AARSD1: variants seen among roughly 807,000 people sequenced by gnomAD.
AARSD1 encodes alanyl-tRNA editing protein Aarsd1.
In AARSD1, 44 loss-of-function variants were observed where a neutral mutation model predicts 48.7. The observed-to-expected ratio is 0.90, with a 90% confidence interval of 0.71 to 1.16. AARSD1 has a LOEUF of 1.16. AARSD1 is among the 50% of genes most tolerant of loss of function. The pLI is 0.00. For missense variants in AARSD1, 511 were observed against 523.1 expected (o/e 0.98, Z 0.23); for synonymous variants, 189 against 194.9 (o/e 0.97, Z 0.25).
intron 2 of AARSD1, among the ~76,000 whole-genome samples, chr17:42,963,859 C>A (rs796417484): frequency 1.3e-5 from 2 of 152,136 alleles, no homozygotes; most frequent in South Asian, 4.1e-4. Context: ...CAGTTGTCTT[C>A]AATAAACATT....
intron 3 of AARSD1, among the ~76,000 whole-genome samples, chr17:42,959,862 T>A (rs1382779102): frequency 2.7e-5 from 4 of 150,540 alleles, no homozygotes; most frequent in Non-Finnish European, 5.9e-5. Flanking sequence ...CAGGGTTTCA[T>A]CATGTTGGCC....
chr17:42,961,170 T>C lies in AARSD1; in HGVS notation c.331+22A>G, dbSNP rs554473527. 39 of 1,598,060 alleles carry C rather than the reference T, an allele frequency of 2.4e-5. No individual in the cohort carries two copies. The South Asian group carries it at 3.4e-4, about 14-fold the overall frequency. On this transcript the variant is annotated intron_variant, in intron 3 of 11. Coordinates refer to ENST00000427569, the MANE Select transcript of AARSD1 (RefSeq NM_001261434.2). ...ATACATGGCAACTGCTCCGGTGTTA[T>C]GTCCCCCATCCCAGCCTTTACCTGA... is the stretch of plus-strand genomic sequence containing the variant.
At chr17:42,961,492 C>T (rs1281455098) in intron 2 of AARSD1, 141 bp from the exon 3 acceptor site, 2 of 1,175,800 alleles carry the variant, frequency 1.7e-6, no homozygotes, top group Middle Eastern at 2.7e-4. Flanking sequence ...GAAATGAGTC[C>T]ACTTTGTTCC....
rs371979961 is a variant in AARSD1 at position 42,951,824 on chromosome 17, G to A, written c.1079C>T (p.Ala360Val). 1.2e-5 allele frequency: 20 copies of A among 1,614,030 alleles called. No homozygotes were observed. The highest frequency in any genetic ancestry group is 1.6e-5 in the Non-Finnish European group (19 of 1,180,032). Residue 360 changes from alanine to valine, a missense_variant, in exon 11 of 12, where the codon GCG becomes GTG. Ala to Val is a moderately conservative substitution (Grantham distance 64). Coordinates refer to ENST00000427569, the MANE Select transcript of AARSD1 (RefSeq NM_001261434.2). ...GGLFLLAGPP[A>V]SVETLGPRVA... ...CCTGGGCCCCAGGGTCTCCACAGAC[G>A]CAGGTGGCCCTGCCAGTAAGAAGAG...
At chr17:42,951,322 C>T (rs1234536494) in intron 11 of AARSD1, among the ~76,000 whole-genome samples, 1 of 152,086 alleles carries the variant, frequency 6.6e-6, no homozygotes, top group Non-Finnish European at 1.5e-5. Flanking sequence ...GAGGGCAAGG[C>T]AGGTGGATCA....
Position 42,964,347 on chromosome 17 carries a change from C to T in AARSD1, c.39+55G>A, listed in dbSNP as rs2049683544. On this transcript the variant is annotated intron_variant, in intron 1 of 11. Transcript: ENST00000427569. ...CACTCCCTACACGTGGCGCCCTCTT[C>T]CCCAAACCGCCTTGCCGGCCCGGCA... 1.9e-6 allele frequency: 3 copies of T among 1,577,456 alleles called. No individual in the cohort carries two copies. The South Asian group carries it at 3.4e-5, about 18-fold the overall frequency.
Position 42,956,215 on chromosome 17 carries a change from T to C in AARSD1, c.652A>G (p.Ser218Gly), listed in dbSNP as rs1432130499. 1.2e-6 allele frequency: 2 copies of C among 1,614,106 alleles called. No homozygotes were observed. Among genetic ancestry groups the C allele is most frequent in the South Asian group, 2.2e-5 (2 of 91,076 alleles). Residue 218 changes from serine (S) to glycine (G), a missense_variant, in exon 6 of 12, where the codon AGT becomes GGT. Ser to Gly is a moderately conservative substitution (Grantham distance 56, BLOSUM62 0). Coordinates refer to ENST00000427569, the MANE Select transcript of AARSD1 (RefSeq NM_001261434.2). ...CGTTCCTCACTTACCTGAAGGTCAC[T>C]GAGATTGCTCACATGGGTCCCACAG... is the stretch of plus-strand genomic sequence containing the variant. ...MCCGTHVSNL[S>G]DLQVIKILGT...
At position 42,956,536 on chromosome 17, in the gene AARSD1, C is replaced by A. The variant is rs766677586; in HGVS notation, c.414G>T (p.Ala138=). Residue 138 remains alanine (A), a synonymous_variant, in exon 5 of 12, where the codon GCG becomes GCT. Coordinates refer to ENST00000427569, the MANE Select transcript of AARSD1 (RefSeq NM_001261434.2). ...TSWELGRFRS[A]IELDTPSMTA... Reference sequence around the variant, plus strand: ...TCATAGAGGGGGTGTCCAGCTCAATCGCACTCCGAAATCTCCCTAACTCCC... The same window carrying A: ...TCATAGAGGGGGTGTCCAGCTCAATAGCACTCCGAAATCTCCCTAACTCCC... The A allele has an allele frequency of 3.6e-5, 58 of 1,613,260 alleles. No individual in the cohort carries two copies. The highest frequency in any genetic ancestry group is 2.8e-4 in the Admixed American group (17 of 59,900).
intron 3 of AARSD1, among the ~76,000 whole-genome samples, chr17:42,959,574 T>A (rs1300563086): frequency 2.0e-5 from 3 of 151,804 alleles, no homozygotes; most frequent in Admixed American, 2.0e-4. Context: ...CTCAGGCTGG[T>A]ATGGAATTCC....
At chr17:42,963,973 T>C (rs1288453471) in intron 2 of AARSD1, 133 bp downstream of exon 2, 26 of 1,468,088 alleles carry the variant, frequency 1.8e-5, no homozygotes, top group Non-Finnish European at 2.4e-5. Context: ...TAAATACTCA[T>C]TAAATGAATA....
rs1345846636 is a variant in AARSD1 at position 42,957,220 on chromosome 17, G to A, written c.332-25C>T. 6.8e-6 allele frequency: 11 copies of A among 1,612,478 alleles called. No homozygotes were observed. The Admixed American group carries it at 1.7e-4, about 24-fold the overall frequency. On this transcript the variant is annotated intron_variant, in intron 3 of 11. Coordinates refer to ENST00000427569, the MANE Select transcript of AARSD1 (RefSeq NM_001261434.2). ...CCTAAGCAAAGAGAGCCAGAGACAG[G>A]AGAAAAGTGAGAAGCCTACATACTC...
chr17:42,960,677 G>A (rs1042967078), intron 3 of AARSD1, among the ~76,000 whole-genome samples: 4 of 144,956 alleles, frequency 2.8e-5, no homozygotes, highest in East Asian at 2.1e-4. Context: ...AGCCGAGATC[G>A]CACCATTGCA....
At chr17:42,953,958 G>C in intron 9 of AARSD1, 180 bp from the exon 10 acceptor site, 1 of 684,786 alleles carries the variant, frequency 1.5e-6, no homozygotes, top group East Asian at 2.7e-5. Flanking sequence ...AGCCTCTGCA[G>C]TTTGTAATCA....
intron 3 of AARSD1, among the ~76,000 whole-genome samples, chr17:42,959,189 T>C (rs1391861268): frequency 1.5e-5 from 2 of 137,074 alleles, no homozygotes; most frequent in Non-Finnish European, 3.2e-5. Flanking sequence ...AGAGCGAGAC[T>C]TTGTCTCAAA....
At chr17:42,956,375 A>G (rs1469659526) in intron 5 of AARSD1, 29 bp downstream of exon 5, 1 of 1,614,124 alleles carries the variant, frequency 6.2e-7, no homozygotes, top group South Asian at 1.1e-5. Flanking sequence ...ATCATTCCGC[A>G]GAAACCATCC....
In AARSD1 at chr17:42,954,942, A is replaced by C; in HGVS notation, c.887T>G (p.Leu296Arg). The change falls in exon 9 of 12, where the codon CTG becomes CGG. Residue 296 changes from leucine to arginine, a missense_variant. Transcript: ENST00000427569. ...GAGGCTATGGGCAATGTGCACAGCC[A>C]GGTCTCTGAGCAGATTCAGGTTATT... is the stretch of plus-strand genomic sequence containing the variant. ...QKNNLNLLRD[L>R]AVHIAHSLRN... is the part of the protein sequence containing the mutation. 11 of 1,614,162 alleles carry C rather than the reference A, an allele frequency of 6.8e-6. No homozygotes were observed. Among genetic ancestry groups the C allele is most frequent in the Non-Finnish European group, 9.3e-6 (11 of 1,180,014 alleles).
Position 42,955,206 on chromosome 17 carries a change from A to T in AARSD1, c.813T>A (p.His271Gln). 1.2e-6 allele frequency: 2 copies of T among 1,614,008 alleles called. No homozygotes were observed. The highest frequency in any genetic ancestry group is 1.7e-6 in the Non-Finnish European group (2 of 1,179,970). Residue 271 changes from histidine (H) to glutamine (Q), a missense_variant, in exon 8 of 12, where the codon CAT becomes CAA. His to Gln is a conservative substitution (Grantham distance 24). Coordinates refer to ENST00000427569, the MANE Select transcript of AARSD1 (RefSeq NM_001261434.2). ...TALLKCGAED[H>Q]VEAVKKLQNS... ...TCTGGAGCTTTTTCACTGCTTCCAC[A>T]TGATCCTCTGCTCCACACCTGAAAG... is the stretch of plus-strand genomic sequence containing the variant.
At chr17:42,952,679 C>A (rs982119045) in intron 10 of AARSD1, among the ~76,000 whole-genome samples, 19 of 151,410 alleles carry the variant, frequency 1.3e-4, no homozygotes, top group Non-Finnish European at 7.4e-5. Flanking sequence ...CTGAAAAAAA[C>A]AAACAAACAA....
chr17:42,953,319 T>G (rs1391508931), intron 10 of AARSD1, among the ~76,000 whole-genome samples: 3 of 151,996 alleles, frequency 2.0e-5, no homozygotes, highest in Non-Finnish European at 2.9e-5. Context: ...TTTCACCATG[T>G]TGGCTAGGCT....
Sources: gnomAD v4.1 joint callset for allele counts (sites outside exome capture counted in the v4.1 genomes callset) on GRCh38, gnomAD v4.1.1 for gene constraint, MANE v1.5 for transcripts, NCBI Gene and HGNC (gene_info 2026-07-23, HGNC 2026-07-21) for gene names.